Variants in CACHD1 observed in about 807,000 individuals in gnomAD.
The protein encoded by CACHD1 is cache domain containing 1.
A neutral mutation model predicts 138.7 loss-of-function variants in CACHD1; 71 were observed. That is an observed-to-expected ratio of 0.51 (90% CI 0.42 to 0.62). The LOEUF (loss-of-function observed/expected upper bound fraction) is 0.62. Among genes scored for constraint, CACHD1 ranks in the 20% least tolerant of loss-of-function variants. The probability of loss-of-function intolerance (pLI) is 0.00; values close to 1 mark genes in which losing one functional copy is unlikely to be tolerated. For synonymous variants in CACHD1, 578 were observed against 591.5 expected (o/e 0.98, Z 0.33); for missense variants, 1,389 against 1,625.3 (o/e 0.85, Z 2.50).
chr1:64,588,074 C>G (rs2100549884), intron 3 of CACHD1, among the ~76,000 whole-genome samples: 1 of 152,258 alleles, frequency 6.6e-6, no homozygotes, highest in Admixed American at 6.5e-5. Flanking sequence ...GGATGAGTTC[C>G]TGACCTGATG....
At chr1:64,633,402 T>TA (rs1648384677) in intron 6 of CACHD1, among the ~76,000 whole-genome samples, 1 of 152,136 alleles carries the variant, frequency 6.6e-6, no homozygotes, top group South Asian at 2.1e-4. Flanking sequence ...TGGCTCATGG[T>TA]AAGGTTTCTA....
At chr1:64,632,961 C>T (rs1222189557) in intron 6 of CACHD1, among the ~76,000 whole-genome samples, 1 of 152,172 alleles carries the variant, frequency 6.6e-6, no homozygotes, top group Non-Finnish European at 1.5e-5. Flanking sequence ...GGTTAGCCCT[C>T]AGTTATGGAA....
chr1:64,542,340 C>G (rs1317155105), intron 1 of CACHD1, among the ~76,000 whole-genome samples: 1 of 152,106 alleles, frequency 6.6e-6, no homozygotes. Flanking sequence ...CAAAGTAAGC[C>G]TCTTCCTTTG....
At chr1:64,511,577 C>T (rs534600714) in intron 1 of CACHD1, among the ~76,000 whole-genome samples, 3 of 152,308 alleles carry the variant, frequency 2.0e-5, no homozygotes, top group Non-Finnish European at 4.4e-5. Context: ...GCTCATCTCT[C>T]TCTCCAACAT....
intron 2 of CACHD1, among the ~76,000 whole-genome samples, chr1:64,573,478 C>T (rs142960363): frequency 2.6e-5 from 4 of 152,266 alleles, no homozygotes; most frequent in Non-Finnish European, 4.4e-5. Context: ...GCTAAGACAG[C>T]AAGACTTGCT....
chr1:64,509,791 A>G (rs928949221), intron 1 of CACHD1, among the ~76,000 whole-genome samples: 7 of 152,256 alleles, frequency 4.6e-5, no homozygotes, highest in African/African-American at 1.7e-4. Flanking sequence ...TTTATTAACA[A>G]TAGGAGAGAT....
chr1:64,531,854 C>T (rs1380036364), intron 1 of CACHD1, among the ~76,000 whole-genome samples: 2 of 152,108 alleles, frequency 1.3e-5, no homozygotes, highest in African/African-American at 4.8e-5. Context: ...AGACTCATTC[C>T]GTTACCTGAA....
intron 2 of CACHD1, among the ~76,000 whole-genome samples, chr1:64,572,057 A>G (rs1238478411): frequency 1.3e-5 from 2 of 152,130 alleles, no homozygotes; most frequent in Non-Finnish European, 2.9e-5. Context: ...TTTCTTTTCT[A>G]CAGTTGAGTG....
chr1:64,583,403 GGTCTTTGGATATTTGGT>G (rs1229947534), intron 3 of CACHD1, among the ~76,000 whole-genome samples: 1 of 152,122 alleles, frequency 6.6e-6, no homozygotes, highest in Non-Finnish European at 1.5e-5. Context: ...ATACCCACAT[GGTCTTTGGATATTTGGT>G]GTCTTTGAGC....
intron 1 of CACHD1, among the ~76,000 whole-genome samples, chr1:64,474,934 G>C (rs1374635886): frequency 6.6e-6 from 1 of 152,198 alleles, no homozygotes; most frequent in East Asian, 1.9e-4. Context: ...GGGAGGGAGG[G>C]AGGAGCAGGG....
At chr1:64,566,481 C>CCCCCT (rs1557496413) in intron 2 of CACHD1, among the ~76,000 whole-genome samples, 1 of 49,032 alleles carries the variant, frequency 2.0e-5, no homozygotes, top group East Asian at 5.3e-4. Flanking sequence ...TTTTCAATTC[C>CCCCCT]CCCCCCCCCA....
At chr1:64,664,057 G>A (rs1649542550) in intron 14 of CACHD1, 5 of 551,260 alleles carry the variant, frequency 9.1e-6, no homozygotes, top group South Asian at 8.0e-5. Flanking sequence ...ACAGGCCTTA[G>A]AAGCACTGGG....
At chr1:64,565,805 A>G (rs1212547695) in intron 2 of CACHD1, among the ~76,000 whole-genome samples, 1 of 152,226 alleles carries the variant, frequency 6.6e-6, no homozygotes, top group Non-Finnish European at 1.5e-5. Flanking sequence ...ATAGGAGTAA[A>G]CTATTTCAGA....
intron 2 of CACHD1, among the ~76,000 whole-genome samples, chr1:64,563,254 T>A (rs1646856160): frequency 6.6e-6 from 1 of 150,468 alleles, no homozygotes; most frequent in Admixed American, 6.8e-5. Flanking sequence ...AGGTTTAAAA[T>A]TTGATGTTTT....
intron 14 of CACHD1, 21 bp from the exon 15 acceptor site, chr1:64,664,477 A>G (rs1649561525): frequency 3.7e-6 from 6 of 1,611,626 alleles, no homozygotes; most frequent in Admixed American, 1.7e-5. Context: ...GATCCCTGCT[A>G]TGTCTTCCTT....
intron 4 of CACHD1, among the ~76,000 whole-genome samples, chr1:64,619,990 C>T (rs1647852169): frequency 6.6e-6 from 1 of 152,090 alleles, no homozygotes; most frequent in South Asian, 2.1e-4. Flanking sequence ...AGCAAAATAT[C>T]TAGAATGATA....
chr1:64,617,619 A>G (rs1647758514), intron 4 of CACHD1, among the ~76,000 whole-genome samples: 1 of 152,212 alleles, frequency 6.6e-6, no homozygotes, highest in African/African-American at 2.4e-5. Flanking sequence ...GAATTGCCCC[A>G]AGGAACAGGC....
intron 2 of CACHD1, among the ~76,000 whole-genome samples, chr1:64,554,289 A>G (rs1481648381): frequency 6.6e-6 from 1 of 152,256 alleles, no homozygotes; most frequent in African/African-American, 2.4e-5. Context: ...GAATTTTATT[A>G]TCCTTGGCCT....
In CACHD1 at chr1:64,691,675, T is replaced by C. The variant is rs965922495; in HGVS notation, c.*114T>C. On this transcript the variant is annotated 3_prime_UTR_variant, in exon 27 of 27. Coordinates refer to ENST00000651257, the MANE Select transcript of CACHD1 (RefSeq NM_020925.4). ...AGACCTCCCTTGTGTTTGTGCTTTG[T>C]GCAGAGTTGTTTGAGTCATTTCCTG... The C allele has an allele frequency of 2.2e-6, 2 of 908,658 alleles. No homozygotes were observed. Among genetic ancestry groups the C allele is most frequent in the Non-Finnish European group, 3.4e-6 (2 of 593,734 alleles). 56.3% of individuals were successfully genotyped at this position (908,658 alleles called of 1,614,324 possible).
Sources: allele counts gnomAD v4.1 joint callset (sites outside exome capture counted in the v4.1 genomes callset), GRCh38; gene constraint gnomAD v4.1.1; transcripts MANE v1.5; gene names NCBI Gene and HGNC (gene_info 2026-07-23, HGNC 2026-07-21).